The following MMAA variants were observed in gnomAD, a reference collection of about 807,000 sequenced individuals.
The protein encoded by MMAA is methylmalonic aciduria type A protein, mitochondrial.
In MMAA, 41 loss-of-function variants were observed where a neutral mutation model predicts 45.0. That is an observed-to-expected ratio of 0.91 (90% CI 0.71 to 1.18). The LOEUF (loss-of-function observed/expected upper bound fraction) is 1.18, where lower values mean the gene tolerates loss of function less well. Among genes scored for constraint, MMAA ranks in the 50% most tolerant of loss-of-function variants. The pLI is 0.00. For missense variants in MMAA, 460 were observed against 495.7 expected (o/e 0.93, Z 0.68); for synonymous variants, 154 against 178.2 (o/e 0.86, Z 1.08).
At chr4:145,626,324 T>C (rs985927543) in intron 1 of MMAA, among the ~76,000 whole-genome samples, 3 of 152,216 alleles carry the variant, frequency 2.0e-5, no homozygotes, top group African/African-American at 7.2e-5. Flanking sequence ...CTGAGTTATA[T>C]TGGCTCTTAA....
At chr4:145,623,680 A>G (rs139656821) in intron 1 of MMAA, among the ~76,000 whole-genome samples, 1 of 152,354 alleles carries the variant, frequency 6.6e-6, no homozygotes, top group East Asian at 1.9e-4. Context: ...TAGGAAAATC[A>G]TTATTTCAGA....
At chr4:145,624,055 C>CTAACTGGT (rs1281472985) in intron 1 of MMAA, 32 of 793,242 alleles carry the variant, frequency 4.0e-5, no homozygotes, top group Admixed American at 1.4e-4. Flanking sequence ...AAGAACTAAG[C>CTAACTGGT]TAACTGGTCA....
rs1728315224 is a variant in MMAA at position 145,659,044 on chromosome 4, T to C, written c.*3610T>C. Reference sequence around the variant, plus strand: ...TGGCTGGCACCAACGGTAGATGTTCTCAACATTAGCGTTATTCAGGTAAGA... The same window carrying C: ...TGGCTGGCACCAACGGTAGATGTTCCCAACATTAGCGTTATTCAGGTAAGA... On this transcript the variant is annotated 3_prime_UTR_variant, in exon 7 of 7. Coordinates refer to ENST00000649156, the MANE Select transcript of MMAA (RefSeq NM_172250.3). 1 of 152,196 alleles carries C rather than the reference T, an allele frequency of 6.6e-6. No homozygotes were observed. The highest frequency in any genetic ancestry group is 1.5e-5 in the Non-Finnish European group (1 of 68,042). The allele number at this position is 152,196 out of a possible 1,614,324, so 9.4% of individuals were successfully genotyped here. A position where few individuals can be genotyped will look rare whatever the true frequency, so the allele number is the denominator to read the frequency against.
intron 1 of MMAA, among the ~76,000 whole-genome samples, chr4:145,637,397 TCC>T: frequency 6.6e-6 from 1 of 152,222 alleles, no homozygotes; most frequent in Non-Finnish European, 1.5e-5. Context: ...TTTTTAATTG[TCC>T]TTTTAGAATA....
intron 4 of MMAA, 170 bp downstream of exon 4, chr4:145,646,326 C>G (rs1727927921): frequency 2.7e-6 from 2 of 744,502 alleles, no homozygotes; most frequent in Non-Finnish European, 4.3e-6. Flanking sequence ...AATCTTTACC[C>G]TCCAAGATCT....
chr4:145,649,659 T>C (rs1253074439), intron 4 of MMAA, among the ~76,000 whole-genome samples: 6 of 152,188 alleles, frequency 3.9e-5, no homozygotes, highest in African/African-American at 7.2e-5. Context: ...TTTCATCTGA[T>C]ACACTGATAC....
chr4:145,649,509 T>G (rs1728031152), intron 4 of MMAA, among the ~76,000 whole-genome samples: 1 of 151,952 alleles, frequency 6.6e-6, no homozygotes, highest in African/African-American at 2.4e-5. Flanking sequence ...GAAAGGGAAA[T>G]AAGGAAGCAG....
intron 4 of MMAA, among the ~76,000 whole-genome samples, chr4:145,647,211 T>A (rs1040588247): frequency 2.0e-5 from 3 of 152,046 alleles, no homozygotes; most frequent in Non-Finnish European, 2.9e-5. Flanking sequence ...CATGATAAGA[T>A]GTGAGATAAG....
intron 1 of MMAA, among the ~76,000 whole-genome samples, chr4:145,622,517 TA>T (rs1263318205): frequency 3.9e-5 from 6 of 152,178 alleles, no homozygotes; most frequent in Non-Finnish European, 8.8e-5. Context: ...TGATAGTGCT[TA>T]GCTTACAAAT....
At chr4:145,645,622 CA>C (rs923748076) in intron 3 of MMAA, among the ~76,000 whole-genome samples, 7 of 152,086 alleles carry the variant, frequency 4.6e-5, no homozygotes, top group Admixed American at 1.3e-4. Context: ...AGAGCACAAA[CA>C]AAAAAGATGG....
At chr4:145,623,449 TA>T (rs1455173046) in intron 1 of MMAA, among the ~76,000 whole-genome samples, 1 of 152,208 alleles carries the variant, frequency 6.6e-6, no homozygotes, top group Non-Finnish European at 1.5e-5. Context: ...CGAGCCCTTC[TA>T]AAAGAGCTCA....
rs1728089687 is a variant in MMAA at position 145,651,516 on chromosome 4, T to A, written c.819+369T>A. 2.0e-5 allele frequency among the ~76,000 whole-genome samples: 3 copies of A among 152,120 alleles called. No homozygotes were observed. In the South Asian group the frequency reaches 6.2e-4, roughly 32 times the overall value. On this transcript the variant is annotated intron_variant, in intron 5 of 6. Coordinates refer to ENST00000649156, the MANE Select transcript of MMAA (RefSeq NM_172250.3). ...ATAGTTTATATGTTGTACAATGAGA[T>A]TCTTACTCTCCTCTGCACCGCAGTT...
Position 145,654,282 on chromosome 4 carries a change from G to A in MMAA, c.969+139G>A, listed in dbSNP as rs1016732691. 4.1e-5 allele frequency: 42 copies of A among 1,027,984 alleles called. 1 individual carries two copies. The highest frequency in any genetic ancestry group is 1.1e-4 in the Admixed American group (6 of 52,550). 63.7% of individuals were successfully genotyped at this position (1,027,984 alleles called of 1,614,324 possible). On this transcript the variant is annotated intron_variant, in intron 6 of 6. Coordinates refer to ENST00000649156, the MANE Select transcript of MMAA (RefSeq NM_172250.3). Reference sequence around the variant, plus strand: ...TAGTTTTAAAAATCATGACAAAGACGGAGTGTGTAGTCATGATTTTAAATA... The same window carrying A: ...TAGTTTTAAAAATCATGACAAAGACAGAGTGTGTAGTCATGATTTTAAATA...
Position 145,654,115 on chromosome 4 carries a change from G to T in MMAA, c.941G>T (p.Arg314Leu). The change falls in exon 6 of 7, where the codon CGC becomes CTC. Residue 314 changes from arginine (R) to leucine (L), a missense_variant. By Grantham distance (102) the Arg-to-Leu change is moderately radical. Transcript: ENST00000649156. ...AEYVSALKLL[R>L]KRSQVWKPKV... ...TATGTGAGTGCACTGAAATTACTCC[G>T]CAAACGTTCACAAGTCTGGAAACCA... 3 of 1,614,104 alleles carry T rather than the reference G, an allele frequency of 1.9e-6. No homozygotes were observed. The highest frequency in any genetic ancestry group is 1.7e-6 in the Non-Finnish European group (2 of 1,180,004).
chr4:145,634,047 C>T (rs1727541344), intron 1 of MMAA, among the ~76,000 whole-genome samples: 1 of 152,192 alleles, frequency 6.6e-6, no homozygotes, highest in South Asian at 2.1e-4. Context: ...ACCAAAGGCC[C>T]ACTGTAACTA....
In MMAA at chr4:145,646,056, T is replaced by C. The variant is rs1344166271; in HGVS notation, c.633T>C (p.Ser211=). The C allele has an allele frequency of 1.2e-6, 2 of 1,614,132 alleles. No homozygotes were observed. The highest frequency in any genetic ancestry group is 1.7e-6 in the Non-Finnish European group (2 of 1,179,980). Residue 211 remains serine (S), a synonymous_variant, in exon 4 of 7, where the codon TCT becomes TCC. Coordinates refer to ENST00000649156, the MANE Select transcript of MMAA (RefSeq NM_172250.3). The part of the protein sequence containing the change: ...SRDMNAYIRP[S]PTRGTLGGVT... ...ATATGAATGCATACATCAGGCCATC[T>C]CCTACTAGAGGAACTTTAGGAGGCG...
At chr4:145,625,115 G>C in intron 1 of MMAA, 2 of 1,096,768 alleles carry the variant, frequency 1.8e-6, no homozygotes, top group Non-Finnish European at 2.8e-6. Flanking sequence ...TAGCCAATCT[G>C]ATAGGTTCAT....
At chr4:145,641,939 A>C (rs983073482) in intron 2 of MMAA, among the ~76,000 whole-genome samples, 6 of 152,222 alleles carry the variant, frequency 3.9e-5, no homozygotes, top group African/African-American at 1.4e-4. Flanking sequence ...AATCACTGGG[A>C]ATTTCTAGAA....
chr4:145,619,704 CTG>C (rs1348047654), intron 1 of MMAA, among the ~76,000 whole-genome samples: 3 of 152,178 alleles, frequency 2.0e-5, no homozygotes, highest in Non-Finnish European at 4.4e-5. Context: ...CAGGTTATCT[CTG>C]AGCCACAGCA....
Sources: allele counts gnomAD v4.1 joint callset (sites outside exome capture counted in the v4.1 genomes callset), GRCh38; gene constraint gnomAD v4.1.1; transcripts MANE v1.5; gene names NCBI Gene and HGNC (gene_info 2026-07-23, HGNC 2026-07-21).